BLTP3B: variants seen among roughly 807,000 people sequenced by gnomAD.
The protein encoded by BLTP3B is bridge-like lipid transfer protein family member 3B, also known as UHRF1 (ICBP90) binding protein 1-like.
the BLTP3B span, chr12:100,070,159 T>C: frequency 6.4e-7 from 1 of 1,571,888 alleles, no homozygotes; most frequent in Non-Finnish European, 8.6e-7. Flanking sequence ...CTCATCTGCT[T>C]AGGAAGGCAG....
chr12:100,039,633 T>A, the BLTP3B span: 1 of 1,613,874 alleles, frequency 6.2e-7, no homozygotes. Context: ...CTCAGGAAAG[T>A]TAGCTGACTG....
chr12:100,087,250 G>T, the BLTP3B span, among the ~76,000 whole-genome samples: 8 of 150,454 alleles, frequency 5.3e-5, no homozygotes, highest in East Asian at 9.8e-4. Context: ...AAAATCAAAA[G>T]TAGATTACAA....
At chr12:100,128,793 G>A in the BLTP3B span, 3 of 1,181,880 alleles carry the variant, frequency 2.5e-6, no homozygotes, top group Non-Finnish European at 3.2e-6. Context: ...GGAAAGGAAT[G>A]ATGATTAAAA....
the BLTP3B span, among the ~76,000 whole-genome samples, chr12:100,124,142 T>C: frequency 6.6e-6 from 1 of 151,104 alleles, no homozygotes; most frequent in Non-Finnish European, 1.5e-5. Flanking sequence ...AGCATGGTGG[T>C]GCATGCCTGT....
chr12:100,130,945 CATACAT>C, the BLTP3B span, among the ~76,000 whole-genome samples: 2 of 120,304 alleles, frequency 1.7e-5, no homozygotes, highest in African/African-American at 3.9e-5. Context: ...TACATACATA[CATACAT>C]ATATATATAT....
chr12:100,048,854 A>AT, the BLTP3B span, among the ~76,000 whole-genome samples: 1 of 151,394 alleles, frequency 6.6e-6, no homozygotes, highest in Middle Eastern at 3.2e-3. Context: ...CCCCCAAAAA[A>AT]TTTATAGATG....
chr12:100,043,218 C>T, the BLTP3B span, among the ~76,000 whole-genome samples: 1 of 152,200 alleles, frequency 6.6e-6, no homozygotes, highest in Non-Finnish European at 1.5e-5. Context: ...TACTGTGATA[C>T]TCACTTTATT....
At chr12:100,101,725 T>C in the BLTP3B span, among the ~76,000 whole-genome samples, 2 of 152,198 alleles carry the variant, frequency 1.3e-5, no homozygotes, top group East Asian at 3.8e-4. Flanking sequence ...TCTATCAAAA[T>C]ACAACCTGTG....
At chr12:100,140,753 T>TATATATATATATATATATAA in the BLTP3B span, among the ~76,000 whole-genome samples, 2 of 106,950 alleles carry the variant, frequency 1.9e-5, no homozygotes, top group African/African-American at 7.5e-5. Context: ...TATATATATA[T>TATATATATATATATATATAA]AAAATAAAAT....
chr12:100,066,665 AG>A, the BLTP3B span, among the ~76,000 whole-genome samples: 553 of 151,782 alleles, frequency 3.6e-3, 7 homozygotes, highest in African/African-American at 0.013. Flanking sequence ...TTAGCCAGGC[AG>A]GGTGGCAGGC....
chr12:100,070,024 A>G, the BLTP3B span: 2 of 1,258,830 alleles, frequency 1.6e-6, no homozygotes, highest in Non-Finnish European at 2.0e-6. Flanking sequence ...AAAGGGGAGC[A>G]GTGTAATACA....
At chr12:100,076,877 C>G in the BLTP3B span, among the ~76,000 whole-genome samples, 1 of 152,024 alleles carries the variant, frequency 6.6e-6, no homozygotes, top group South Asian at 2.1e-4. Flanking sequence ...AAAACCTATT[C>G]GAATTGGGAC....
chr12:100,118,315 C>G, the BLTP3B span, among the ~76,000 whole-genome samples: 1 of 151,768 alleles, frequency 6.6e-6, no homozygotes, highest in South Asian at 2.1e-4. Context: ...CTGCTTAAGC[C>G]CAGGAGGTTG....
chr12:100,049,260 A>G, the BLTP3B span, among the ~76,000 whole-genome samples: 12 of 152,318 alleles, frequency 7.9e-5, no homozygotes, highest in African/African-American at 2.9e-4. Context: ...AGATAAAAAC[A>G]AACTCGTCCT....
At chr12:100,103,884 T>C in the BLTP3B span, 2 of 1,569,410 alleles carry the variant, frequency 1.3e-6, no homozygotes, top group Non-Finnish European at 1.7e-6. Flanking sequence ...TATATAAATG[T>C]TTATTTCTAA....
the BLTP3B span, among the ~76,000 whole-genome samples, chr12:100,134,604 G>A: frequency 1.5e-4 from 22 of 145,228 alleles, no homozygotes; most frequent in Admixed American, 8.1e-4. Flanking sequence ...GCAACAGAAC[G>A]AGACTCTGTC....
the BLTP3B span, among the ~76,000 whole-genome samples, chr12:100,092,110 G>A: frequency 2.0e-5 from 3 of 152,122 alleles, no homozygotes; most frequent in African/African-American, 4.8e-5. Context: ...TATGAATAAT[G>A]TTAATAACTC....
At chr12:100,128,010 CCCCCCACCA>C in the BLTP3B span, among the ~76,000 whole-genome samples, 181 of 152,206 alleles carry the variant, frequency 1.2e-3, no homozygotes, top group African/African-American at 4.2e-3. Flanking sequence ...AACACCTTTT[CCCCCCACCA>C]CCCCTACCAC....
chr12:100,067,467 A>C, the BLTP3B span, among the ~76,000 whole-genome samples: 1 of 152,160 alleles, frequency 6.6e-6, no homozygotes, highest in South Asian at 2.1e-4. Flanking sequence ...AGAAGAGAAA[A>C]AATCCAAATA....
Sources: allele counts gnomAD v4.1 joint callset (sites outside exome capture counted in the v4.1 genomes callset), GRCh38; gene constraint gnomAD v4.1.1; transcripts MANE v1.5; gene names NCBI Gene and HGNC (gene_info 2026-07-23, HGNC 2026-07-21).